Variants in DOCK3 observed in about 807,000 individuals in gnomAD.
DOCK3 encodes the protein dedicator of cytokinesis protein 3.
A neutral mutation model predicts 265.6 loss-of-function variants in DOCK3; 60 were observed. The observed-to-expected ratio is 0.23, with a 90% CI of 0.18 to 0.28. DOCK3 has a LOEUF of 0.28. Ranked by LOEUF, DOCK3 falls within the 10% of genes least tolerant of loss-of-function variation. DOCK3 has a pLI of 1.00. For synonymous variants in DOCK3, 881 were observed against 938.0 expected (o/e 0.94, Z 1.11); for missense variants, 1,981 against 2,594.3 (o/e 0.76, Z 5.14).
intron 3 of DOCK3, among the ~76,000 whole-genome samples, chr3:50,869,393 A>G (rs1333244062): frequency 1.7e-4 from 5 of 29,452 alleles, no homozygotes; most frequent in Admixed American, 4.6e-4. Flanking sequence ...TTTTTTTTGG[A>G]GATAGGGTCT....
intron 21 of DOCK3, 37 bp downstream of exon 21, chr3:51,237,627 T>C (rs2078406378): frequency 6.4e-7 from 1 of 1,569,504 alleles, no homozygotes; most frequent in South Asian, 1.1e-5. Flanking sequence ...GGACTCGTGT[T>C]TGAGTAGAAA....
intron 1 of DOCK3, among the ~76,000 whole-genome samples, chr3:50,757,771 T>A (rs957922553): frequency 1.3e-5 from 2 of 152,190 alleles, no homozygotes; most frequent in Admixed American, 6.5e-5. Flanking sequence ...TTTTTTGAGA[T>A]AATTTTTGTT....
intron 9 of DOCK3, among the ~76,000 whole-genome samples, chr3:51,129,120 T>C (rs2084396400): frequency 6.6e-6 from 1 of 152,222 alleles, no homozygotes; most frequent in African/African-American, 2.4e-5. Context: ...AGCCAAACCA[T>C]TGACTACAGC....
intron 22 of DOCK3, among the ~76,000 whole-genome samples, chr3:51,252,242 C>G (rs560582872): frequency 1.3e-5 from 2 of 152,262 alleles, no homozygotes; most frequent in African/African-American, 2.4e-5. Context: ...GGTACCAGTA[C>G]CATGCTGTTT....
intron 27 of DOCK3, among the ~76,000 whole-genome samples, chr3:51,299,685 G>T (rs1278144695): frequency 6.6e-6 from 1 of 150,870 alleles, no homozygotes; most frequent in Non-Finnish European, 1.5e-5. Context: ...TCCTTTCCCT[G>T]TTGCTTTTGT....
intron 14 of DOCK3, among the ~76,000 whole-genome samples, chr3:51,224,392 T>C (rs975368412): frequency 6.6e-6 from 1 of 152,208 alleles, no homozygotes; most frequent in African/African-American, 2.4e-5. Context: ...TCCTGTTTCA[T>C]GCATGAGAGA....
chr3:51,002,597 G>T (rs1266403857), intron 5 of DOCK3, among the ~76,000 whole-genome samples: 1 of 152,180 alleles, frequency 6.6e-6, no homozygotes, highest in Non-Finnish European at 1.5e-5. Flanking sequence ...TAATTTTTAT[G>T]TAAGGTTCAA....
chr3:50,834,663 T>A (rs981599974), intron 2 of DOCK3, among the ~76,000 whole-genome samples: 1 of 152,180 alleles, frequency 6.6e-6, no homozygotes. Flanking sequence ...TTGTCAAATA[T>A]CAAAGTTTTT....
chr3:51,306,076 G>A (rs1407122512), intron 27 of DOCK3, among the ~76,000 whole-genome samples: 1 of 150,490 alleles, frequency 6.6e-6, no homozygotes, highest in Non-Finnish European at 1.5e-5. Context: ...ATGTTGCTCA[G>A]GCTAGTATCA....
At chr3:51,191,750 A>G (rs1405442912) in intron 12 of DOCK3, among the ~76,000 whole-genome samples, 1 of 152,006 alleles carries the variant, frequency 6.6e-6, no homozygotes, top group Non-Finnish European at 1.5e-5. Context: ...TCCAAGTGGA[A>G]GAGACGTGCT....
At chr3:50,902,585 T>G (rs2049258086) in intron 4 of DOCK3, among the ~76,000 whole-genome samples, 1 of 152,196 alleles carries the variant, frequency 6.6e-6, no homozygotes, top group South Asian at 2.1e-4. Flanking sequence ...TACTTGAGCC[T>G]TGTAGTATAA....
chr3:51,225,848 C>T, intron 15 of DOCK3, 75 bp downstream of exon 15: 1 of 1,505,086 alleles, frequency 6.6e-7, no homozygotes, highest in Non-Finnish European at 8.9e-7. Context: ...ATCCAGAGGC[C>T]CATTCTCTTC....
At chr3:50,733,036 C>T (rs1214818678) in intron 1 of DOCK3, among the ~76,000 whole-genome samples, 1 of 152,156 alleles carries the variant, frequency 6.6e-6, no homozygotes, top group Non-Finnish European at 1.5e-5. Context: ...CCCACCTTGG[C>T]CTCCCAAAGT....
chr3:51,068,534 C>T (rs1239230800), intron 6 of DOCK3, among the ~76,000 whole-genome samples: 27 of 70,032 alleles, frequency 3.9e-4, no homozygotes, highest in Admixed American at 2.1e-3. Context: ...AGCGAGACTC[C>T]GTCTGAAAAA....
intron 5 of DOCK3, among the ~76,000 whole-genome samples, chr3:51,005,855 A>G (rs2078658227): frequency 6.6e-6 from 1 of 152,066 alleles, no homozygotes; most frequent in African/African-American, 2.4e-5. Context: ...GAAACACCAG[A>G]TGTCATTCTT....
At chr3:51,309,316 C>T (rs1209261291) in intron 27 of DOCK3, among the ~76,000 whole-genome samples, 1 of 152,226 alleles carries the variant, frequency 6.6e-6, no homozygotes, top group Non-Finnish European at 1.5e-5. Context: ...GTGAACGAGA[C>T]TCCGTCTGCA....
Position 51,314,985 on chromosome 3 carries a change from C to A in DOCK3, c.3259C>A (p.His1087Asn). The A allele has an allele frequency of 6.2e-7, 1 of 1,602,954 alleles. No individual in the cohort carries two copies. Among genetic ancestry groups the A allele is most frequent in the Non-Finnish European group, 8.5e-7 (1 of 1,173,448 alleles). The change falls in exon 32 of 53, where the codon CAT becomes AAT. Residue 1087 changes from histidine to asparagine, a missense_variant. His to Asn is a moderately conservative substitution (Grantham distance 68). Transcript: ENST00000266037. ...LFSMWQNLGE[H>N]KIHFIPGMIG... ...ATTTGGGTTTTGTTTTTCAGGTGAACATAAGATCCACTTTATTCCGGGAAT... is the reference window on the plus strand; with the variant it reads ...ATTTGGGTTTTGTTTTTCAGGTGAAAATAAGATCCACTTTATTCCGGGAAT...
At chr3:51,225,517 T>C (rs1412471230) in intron 14 of DOCK3, 132 bp from the exon 15 acceptor site, 13 of 1,397,628 alleles carry the variant, frequency 9.3e-6, no homozygotes, top group Admixed American at 2.5e-5. Context: ...TGTCCATCAT[T>C]ATTAACCAAG....
intron 4 of DOCK3, among the ~76,000 whole-genome samples, chr3:50,932,159 A>G (rs2051103011): frequency 6.6e-6 from 1 of 152,200 alleles, no homozygotes; most frequent in African/African-American, 2.4e-5. Context: ...TTTTTTGGAT[A>G]TAGATAATGC....
Sources: allele counts gnomAD v4.1 joint callset (sites outside exome capture counted in the v4.1 genomes callset), GRCh38; gene constraint gnomAD v4.1.1; transcripts MANE v1.5; gene names NCBI Gene and HGNC (gene_info 2026-07-23, HGNC 2026-07-21).